BPGM: variants seen among roughly 807,000 people sequenced by gnomAD.
BPGM encodes the protein bisphosphoglycerate mutase.
BPGM carries 15 observed loss-of-function variants against 21.6 expected under a neutral mutation model. The ratio of observed to expected loss-of-function variants is 0.70; its 90% CI spans 0.47 to 1.07. BPGM has a LOEUF of 1.07. Among genes scored for constraint, BPGM ranks in the 50% least tolerant of loss-of-function variants. The pLI is 0.00. For missense variants in BPGM, 273 were observed against 319.0 expected (o/e 0.86, Z 1.10); for synonymous variants, 113 against 116.2 (o/e 0.97, Z 0.18).
At chr7:134,657,143 A>G (rs1795651239) in intron 1 of BPGM, among the ~76,000 whole-genome samples, 1 of 152,222 alleles carries the variant, frequency 6.6e-6, no homozygotes. Flanking sequence ...TATAGGATTC[A>G]TGTGGCTTGT....
chr7:134,661,787 G>A lies in BPGM; in HGVS notation c.280G>A (p.Ala94Thr). The change falls in exon 2 of 3, where the codon GCC becomes ACC. Residue 94 changes from alanine (A) to threonine (T), a missense_variant. Physicochemically the swap from Ala to Thr is moderately conservative, Grantham distance 58 (BLOSUM62 0). Transcript: ENST00000344924. The surrounding 1 kb of genome is among the most constrained non-coding windows in gnomAD (Gnocchi z 4.6). Reference protein sequence around the residue: ...SWRLNERHYGALIGLNREQMA... With the variant: ...SWRLNERHYGTLIGLNREQMA... ...GCGTCTAAATGAGCGTCACTATGGGGCCTTGATCGGTCTCAACAGGGAGCA... is the reference window on the plus strand; with the variant it reads ...GCGTCTAAATGAGCGTCACTATGGGACCTTGATCGGTCTCAACAGGGAGCA... 6.2e-7 allele frequency: 1 copy of A among 1,614,056 alleles called. No individual in the cohort carries two copies. Among genetic ancestry groups the A allele is most frequent in the South Asian group, 1.1e-5 (1 of 91,078 alleles).
intron 2 of BPGM, among the ~76,000 whole-genome samples, chr7:134,671,299 A>G (rs544838264): frequency 1.1e-3 from 164 of 152,158 alleles, no homozygotes; most frequent in African/African-American, 3.9e-3. Flanking sequence ...ACCTCTGACA[A>G]AGTCCTTAGG....
At chr7:134,671,363 C>CTTTT (rs563524361) in intron 2 of BPGM, among the ~76,000 whole-genome samples, 6 of 133,964 alleles carry the variant, frequency 4.5e-5, no homozygotes, top group South Asian at 2.4e-4. Flanking sequence ...ACATTTTGTT[C>CTTTT]TTTTTTTTTT....
chr7:134,651,124 G>C (rs762684629), intron 1 of BPGM, among the ~76,000 whole-genome samples: 2 of 152,190 alleles, frequency 1.3e-5, no homozygotes, highest in African/African-American at 2.4e-5. Flanking sequence ...TTTGGACCAA[G>C]GAAAACGTCA....
At chr7:134,658,977 G>A (rs537387253) in intron 1 of BPGM, among the ~76,000 whole-genome samples, 1 of 151,104 alleles carries the variant, frequency 6.6e-6, no homozygotes, top group East Asian at 2.0e-4. Flanking sequence ...AAGCTTGGTG[G>A]TGGGTGCCTG....
At chr7:134,668,761 T>C (rs1017362850) in intron 2 of BPGM, among the ~76,000 whole-genome samples, 1 of 152,204 alleles carries the variant, frequency 6.6e-6, no homozygotes, top group Non-Finnish European at 1.5e-5. Flanking sequence ...AAGCAAACTA[T>C]TGATACACCC....
intron 2 of BPGM, among the ~76,000 whole-genome samples, chr7:134,676,052 A>T (rs1795979639): frequency 6.6e-6 from 1 of 152,118 alleles, no homozygotes; most frequent in Non-Finnish European, 1.5e-5. Flanking sequence ...TATTGTTCTT[A>T]TATCTGCAGC....
chr7:134,668,584 T>C (rs1313416760), intron 2 of BPGM, among the ~76,000 whole-genome samples: 1 of 152,232 alleles, frequency 6.6e-6, no homozygotes. Context: ...CGTACACATG[T>C]TGTTTTATGT....
intron 1 of BPGM, among the ~76,000 whole-genome samples, chr7:134,650,292 C>T (rs925776586): frequency 2.0e-5 from 3 of 152,188 alleles, no homozygotes; most frequent in Admixed American, 1.3e-4. Context: ...GAACATGCAA[C>T]ATGCCCTGAG....
intron 2 of BPGM, among the ~76,000 whole-genome samples, chr7:134,664,104 C>A (rs575197762): frequency 7.9e-5 from 12 of 152,260 alleles, no homozygotes; most frequent in Admixed American, 2.6e-4. Context: ...CTTTGGAAAA[C>A]AATCTGGCAG....
At chr7:134,652,538 T>G (rs1795572317) in intron 1 of BPGM, among the ~76,000 whole-genome samples, 1 of 152,190 alleles carries the variant, frequency 6.6e-6, no homozygotes, top group Non-Finnish European at 1.5e-5. Context: ...AATAAATTAT[T>G]ATCACCCTAT....
chr7:134,676,100 G>A (rs1463942328), intron 2 of BPGM, among the ~76,000 whole-genome samples: 1 of 152,148 alleles, frequency 6.6e-6, no homozygotes, highest in Non-Finnish European at 1.5e-5. Context: ...TTTTTGGTGG[G>A]ATCATACCAT....
In BPGM at chr7:134,661,422, A is replaced by T; in HGVS notation, c.-61-25A>T. The stretch of plus-strand genomic sequence containing the variant: ...CTAGATTGTCAGTTGAATATAACTT[A>T]GACTTGTTGTTCTTGTCTTTCTAGA... On this transcript the variant is annotated intron_variant, in intron 1 of 2. Transcript: ENST00000344924. The surrounding 1 kb of genome is among the most constrained non-coding windows in gnomAD (Gnocchi z 4.6). The T allele has an allele frequency of 1.3e-6, 2 of 1,577,516 alleles. No homozygotes were observed. The highest frequency in any genetic ancestry group is 2.3e-5 in the South Asian group (2 of 88,874).
In BPGM at chr7:134,679,226, G is replaced by A; in HGVS notation, c.*195G>A. On this transcript the variant is annotated 3_prime_UTR_variant, in exon 3 of 3. Transcript: ENST00000344924. ...CTCAGTGCTTATGTCATAGCCTTAT[G>A]AGTTAGCTTTCTTGCTAGCCCCCTA... 1 of 617,698 alleles carries A rather than the reference G, an allele frequency of 1.6e-6. No individual in the cohort carries two copies. 38.3% of individuals were successfully genotyped at this position (617,698 alleles called of 1,614,324 possible).
At chr7:134,663,374 GTGTGTGTGTGTT>G (rs1282802661) in intron 2 of BPGM, among the ~76,000 whole-genome samples, 3 of 151,800 alleles carry the variant, frequency 2.0e-5, no homozygotes, top group African/African-American at 7.3e-5. Context: ...TGATATGTGT[GTGTGTGTGTGTT>G]TGTGTGTGTG....
rs1164169964 is a variant in BPGM, at chr7:134,665,649, GAAAA to G, written c.601+3562_601+3565del. ...AAAATAAAATAAAATAAAAATTAAT[GAAAA>G]AAAAAAAAAAAAAAAAAAAAGTGCA... On this transcript the variant is annotated intron_variant, in intron 2 of 2. Coordinates refer to ENST00000344924, the MANE Select transcript of BPGM (RefSeq NM_001724.5). Among the ~76,000 whole-genome samples the G allele has an allele frequency of 1.5e-4, 12 of 78,250 alleles. 4 individuals are homozygous for G. The highest frequency in any genetic ancestry group is 3.7e-4 in the Non-Finnish European group (12 of 32,464). The allele number at this position is 78,250 out of a possible 152,430, so 51.3% of individuals were successfully genotyped here.
chr7:134,673,903 CTTTT>C (rs11408520), intron 2 of BPGM, among the ~76,000 whole-genome samples: 3 of 122,210 alleles, frequency 2.5e-5, no homozygotes, highest in East Asian at 2.2e-4. Flanking sequence ...GATCTGTTTC[CTTTT>C]TTTTTTTTTT....
At chr7:134,655,219 T>G (rs1039079647) in intron 1 of BPGM, among the ~76,000 whole-genome samples, 1 of 152,160 alleles carries the variant, frequency 6.6e-6, no homozygotes, top group Non-Finnish European at 1.5e-5. Context: ...TGGGGAGTAT[T>G]TATTCTTAGT....
rs951578933 is a variant in BPGM, at chr7:134,673,190, T to TAATAAAATAAAATAAAATAA, written c.602-5646_602-5645insTAAAATAAAATAAAATAAAA. Among the ~76,000 whole-genome samples the TAATAAAATAAAATAAAATAA allele has an allele frequency of 1.4e-3, 207 of 152,126 alleles. 4 individuals are homozygous for TAATAAAATAAAATAAAATAA. In the South Asian group the frequency reaches 0.04, roughly 30 times the overall value. On this transcript the variant is annotated intron_variant, in intron 2 of 2. Coordinates refer to ENST00000344924, the MANE Select transcript of BPGM (RefSeq NM_001724.5). ...CTCCATCTCAAAAAGAAAATAATAA[T>TAATAAAATAAAATAAAATAA]AATAAAATAAAATAAAACAAAATTT... is the stretch of plus-strand genomic sequence containing the variant.
Sources: allele counts gnomAD v4.1 joint callset (sites outside exome capture counted in the v4.1 genomes callset), GRCh38; gene constraint gnomAD v4.1.1; non-coding constraint Gnocchi (gnomAD v3.1); transcripts MANE v1.5; gene names NCBI Gene and HGNC (gene_info 2026-07-23, HGNC 2026-07-21).